Variants in FGF13 observed in about 807,000 individuals in gnomAD.
FGF13 encodes the protein fibroblast growth factor homologous factor 2.
A neutral mutation model predicts 19.5 loss-of-function variants in FGF13; 2 were observed. The ratio of observed to expected loss-of-function variants is 0.10; its 90% CI spans 0.04 to 0.32. FGF13 has a LOEUF of 0.32. Among genes scored for constraint, FGF13 ranks in the 10% least tolerant of loss-of-function variants. The probability of loss-of-function intolerance (pLI) is 1.00; values close to 1 mark genes in which losing one functional copy is unlikely to be tolerated. For missense variants in FGF13, 113 were observed against 192.7 expected (o/e 0.59, Z 2.45); for synonymous variants, 72 against 76.9 (o/e 0.94, Z 0.33).
chrX:139,163,213 T>C (rs953496434), intron 1 of FGF13, among the ~76,000 whole-genome samples: 3 of 111,543 alleles, frequency 2.7e-5, no homozygotes, highest in African/African-American at 9.8e-5. Flanking sequence ...TATGCAGCCA[T>C]AAAAAAGGAT....
chrX:139,191,736 A>T (rs2084330906), intron 1 of FGF13, among the ~76,000 whole-genome samples: 2 of 111,022 alleles, frequency 1.8e-5, no homozygotes, highest in South Asian at 3.9e-4. Flanking sequence ...AGGCAGAAAA[A>T]TTATGTCCAA....
At chrX:138,658,139 G>A (rs1280118439) in intron 3 of FGF13, among the ~76,000 whole-genome samples, 2 of 112,121 alleles carry the variant, frequency 1.8e-5, no homozygotes, top group Non-Finnish European at 3.8e-5. Flanking sequence ...TACAATATTT[G>A]TGTTCAGGAG....
rs189736653 is a variant in FGF13, at chrX:139,174,507, G to A, written c.-113+28909C>T. Among the ~76,000 whole-genome samples, 9 of 112,323 alleles carry A rather than the reference G, an allele frequency of 8.0e-5. No homozygotes were observed. In the East Asian group the frequency reaches 2.5e-3, roughly 31 times the overall value. On this transcript the variant is annotated intron_variant, in intron 1 of 2. Transcript: ENST00000421460. ...CTATGTCCTGAATGGTATTGCCTAG[G>A]TTTTCTTCTAGGGTGTTCATGGTTT...
At chrX:138,652,716 A>G (rs1027774437) in intron 3 of FGF13, among the ~76,000 whole-genome samples, 3 of 112,070 alleles carry the variant, frequency 2.7e-5, no homozygotes, top group Non-Finnish European at 5.6e-5. Flanking sequence ...AACGAAATAA[A>G]CCTTTATGAA....
chrX:139,059,969 G>A (rs1220729802), intron 1 of FGF13, among the ~76,000 whole-genome samples: 1 of 111,790 alleles, frequency 8.9e-6, no homozygotes, highest in African/African-American at 3.2e-5. Context: ...TGCTGTCCAA[G>A]GCAGGTGTAT....
chrX:138,615,800 G>A lies in FGF13; in HGVS notation c.*17050C>T, dbSNP rs1602626405. On this transcript the variant is annotated 3_prime_UTR_variant, in exon 5 of 5. Transcript: ENST00000315930. ...CTGACTCACAGTTCCGCATGGCTTC[G>A]GAGGCCTCAGGAGACTTACAATCAT... The A allele has an allele frequency of 1.8e-5, 2 of 111,518 alleles. No individual in the cohort carries two copies. Among genetic ancestry groups the A allele is most frequent in the African/African-American group, 3.3e-5 (1 of 30,711 alleles). The allele number at this position is 111,518 out of a possible 1,213,427, so 9.2% of individuals were successfully genotyped here. A position where few individuals can be genotyped will look rare whatever the true frequency, so the allele number is the denominator to read the frequency against.
intron 3 of FGF13, among the ~76,000 whole-genome samples, chrX:138,637,326 T>G (rs754267982): frequency 2.2e-4 from 25 of 112,602 alleles, no homozygotes; most frequent in Non-Finnish European, 3.9e-4. Context: ...TGAGGACAAG[T>G]ACATAGAACG....
chrX:139,050,863 T>TG (rs2092301576), intron 1 of FGF13, among the ~76,000 whole-genome samples: 1 of 112,135 alleles, frequency 8.9e-6, no homozygotes. Flanking sequence ...TATAAAAAAT[T>TG]GACCAATACT....
rs747441893 is a variant in FGF13, at chrX:138,733,409, T to C, written c.28+5833A>G. ...CATAAACACACATGCCTGGGATTAATAGCTACCAAAGACTAACAACCTCTT... is the reference window on the plus strand; with the variant it reads ...CATAAACACACATGCCTGGGATTAACAGCTACCAAAGACTAACAACCTCTT... On this transcript the variant is annotated intron_variant, in intron 1 of 4. Coordinates refer to the FGF13 transcript ENST00000305414. 1.2e-4 allele frequency among the ~76,000 whole-genome samples: 13 copies of C among 112,014 alleles called. No individual in the cohort carries two copies. The East Asian group carries it at 3.4e-3, about 29-fold the overall frequency.
At chrX:138,807,425 C>A (rs865946350) in intron 3 of FGF13, among the ~76,000 whole-genome samples, 42 of 111,073 alleles carry the variant, frequency 3.8e-4, no homozygotes, top group African/African-American at 1.1e-3. Context: ...GCCTGCCCTA[C>A]AAGAGCTCCT....
chrX:138,961,402 G>A (rs756522244), intron 1 of FGF13, among the ~76,000 whole-genome samples: 54 of 110,814 alleles, frequency 4.9e-4, no homozygotes, highest in African/African-American at 1.7e-3. Flanking sequence ...GTCTCTGAGG[G>A]GCACCTACTG....
At chrX:138,916,091 G>A (rs2091616870) in intron 1 of FGF13, among the ~76,000 whole-genome samples, 1 of 111,865 alleles carries the variant, frequency 8.9e-6, no homozygotes, top group Non-Finnish European at 1.9e-5. Context: ...TTGCATAAAG[G>A]TGCCTCCAGA....
chrX:138,669,694 C>T (rs2089592754), intron 3 of FGF13, among the ~76,000 whole-genome samples: 1 of 111,127 alleles, frequency 9.0e-6, no homozygotes, highest in African/African-American at 3.3e-5. Flanking sequence ...GCCCCCACAC[C>T]TTGTTCTTAA....
intron 1 of FGF13, among the ~76,000 whole-genome samples, chrX:139,152,648 T>C (rs2083944220): frequency 9.0e-6 from 1 of 111,125 alleles, no homozygotes; most frequent in Non-Finnish European, 1.9e-5. Flanking sequence ...CCCAGAAACC[T>C]GAAATGACTT....
At chrX:138,880,913 C>G (rs1468506451) in intron 1 of FGF13, among the ~76,000 whole-genome samples, 2 of 111,361 alleles carry the variant, frequency 1.8e-5, no homozygotes, top group Non-Finnish European at 3.8e-5. Flanking sequence ...ATAGGAGGCC[C>G]TTGTAATTCC....
chrX:139,155,003 T>C (rs761983256), intron 1 of FGF13, among the ~76,000 whole-genome samples: 2 of 111,684 alleles, frequency 1.8e-5, no homozygotes, highest in East Asian at 5.6e-4. Flanking sequence ...AGTTAAGCAA[T>C]TTGTCTAGCA....
intron 1 of FGF13, among the ~76,000 whole-genome samples, chrX:138,883,538 T>G (rs1197964225): frequency 9.0e-6 from 1 of 111,594 alleles, no homozygotes; most frequent in Non-Finnish European, 1.9e-5. Flanking sequence ...TCATGGTTAC[T>G]GAAAATCTCA....
chrX:138,976,478 T>C (rs1333386624), intron 1 of FGF13, among the ~76,000 whole-genome samples: 1 of 111,420 alleles, frequency 9.0e-6, no homozygotes, highest in Non-Finnish European at 1.9e-5. Flanking sequence ...TTCTTGCTTA[T>C]AAGTTAAAAC....
At chrX:138,986,295 C>T (rs776867348) in intron 1 of FGF13, among the ~76,000 whole-genome samples, 72 of 111,950 alleles carry the variant, frequency 6.4e-4, no homozygotes, top group Admixed American at 2.9e-4. Flanking sequence ...ATGGTAATTA[C>T]GACTAAAGCA....
Sources: allele counts gnomAD v4.1 joint callset (sites outside exome capture counted in the v4.1 genomes callset), GRCh38; gene constraint gnomAD v4.1.1; transcripts MANE v1.5; gene names NCBI Gene and HGNC (gene_info 2026-07-23, HGNC 2026-07-21).